The following MRPL38 variants were observed in gnomAD, a reference collection of about 807,000 sequenced individuals.
MRPL38 encodes mitochondrial ribosomal protein L38, also known as large ribosomal subunit protein mL38.
Under a neutral mutation model 52.1 loss-of-function variants are expected in MRPL38, and 51 were observed. The observed-to-expected ratio is 0.98, with a 90% CI of 0.78 to 1.24. The LOEUF (loss-of-function observed/expected upper bound fraction) is 1.24, where lower values mean the gene tolerates loss of function less well. Among genes scored for constraint, MRPL38 ranks in the 50% most tolerant of loss-of-function variants. The probability of loss-of-function intolerance (pLI) is 0.00; values close to 1 mark genes in which losing one functional copy is unlikely to be tolerated. For synonymous variants in MRPL38, 245 were observed against 212.7 expected, an observed-to-expected ratio of 1.15 and a Z score of -1.32; for missense variants, 527 against 518.6, an observed-to-expected ratio of 1.02 and a Z score of -0.16.
intron 7 of MRPL38, 97 bp from the exon 8 acceptor site, chr17:75,899,391 T>G: frequency 6.6e-7 from 1 of 1,524,648 alleles, no homozygotes; most frequent in Admixed American, 2.0e-5. Flanking sequence ...CCCCTGGGAG[T>G]CTGCTAGCAC....
In MRPL38 at chr17:75,901,875, C is replaced by G; in HGVS notation, c.428G>C (p.Cys143Ser). 1.9e-6 allele frequency: 3 copies of G among 1,612,276 alleles called. No homozygotes were observed. Among genetic ancestry groups the G allele is most frequent in the Non-Finnish European group, 2.5e-6 (3 of 1,179,694 alleles). Residue 143 changes from cysteine (C) to serine (S), a missense_variant, in exon 4 of 9, where the codon TGT (cysteine) becomes TCT (serine). Physicochemically the swap from Cys to Ser is moderately radical, Grantham distance 112. Coordinates refer to ENST00000309352, the MANE Select transcript of MRPL38 (RefSeq NM_032478.4). This position sits in a 1 kb window ranked among gnomAD's most constrained non-coding sequence, Gnocchi z 5.7. ...CAGACGCTGCTTGTGGTAGGGGCCA[C>G]AGGTCCTCTCCCACTCGGCCCGCAC... Reference protein sequence around the residue: ...DAVRAEWERTCGPYHKQRLAE... With the variant: ...DAVRAEWERTSGPYHKQRLAE...
At position 75,902,050 on chromosome 17, in the gene MRPL38, C is replaced by G. The variant is rs138500724; in HGVS notation, c.352G>C (p.Glu118Gln). 1,408 of 1,613,236 alleles carry G rather than the reference C, an allele frequency of 8.7e-4. 3 individuals carry two copies. Among genetic ancestry groups the G allele is most frequent in the Non-Finnish European group, 6.5e-4 (771 of 1,179,676 alleles). Residue 118 changes from glutamate (E) to glutamine (Q), a missense_variant, in exon 3 of 9, where the codon GAA becomes CAA. Physicochemically the swap from Glu to Gln is conservative, Grantham distance 29 (BLOSUM62 2). Transcript: ENST00000309352. ...CGGAGGCGGGCAGCCCGCTCCTCTTCCACATTGGCCCGAAGCTCCTGGATG... is the reference window on the plus strand; with the variant it reads ...CGGAGGCGGGCAGCCCGCTCCTCTTGCACATTGGCCCGAAGCTCCTGGATG... Reference protein sequence around the residue: ...QAIQELRANVEEERAARLRTA... With the variant: ...QAIQELRANVQEERAARLRTA...
chr17:75,899,453 C>T, intron 7 of MRPL38, 63 bp downstream of exon 7: 1 of 1,532,092 alleles, frequency 6.5e-7, no homozygotes, highest in Non-Finnish European at 8.8e-7. Flanking sequence ...GAGAACTGAG[C>T]AAGAGTGACC....
chr17:75,899,310 G>C lies in MRPL38; in HGVS notation c.870-16C>G, dbSNP rs768561387. The C allele has an allele frequency of 3.7e-6, 6 of 1,609,852 alleles. No homozygotes were observed. Among genetic ancestry groups the C allele is most frequent in the Non-Finnish European group, 4.2e-6 (5 of 1,178,094 alleles). On this transcript the variant is annotated splice_polypyrimidine_tract_variant and intron_variant, in intron 7 of 8. Transcript: ENST00000309352. ...CAGCTGATAGCTATGAGAAGATAGA[G>C]AGCGTATGAGAGTGTGGAGTGGGGC...
Position 75,901,119 on chromosome 17 carries a change from C to G in MRPL38, c.664+82G>C. The G allele has an allele frequency of 6.3e-7, 1 of 1,595,764 alleles. No homozygotes were observed. The highest frequency in any genetic ancestry group is 8.5e-7 in the Non-Finnish European group (1 of 1,172,224). On this transcript the variant is annotated intron_variant, in intron 5 of 8. Coordinates refer to ENST00000309352, the MANE Select transcript of MRPL38 (RefSeq NM_032478.4). The surrounding 1 kb of genome is among the most constrained non-coding windows in gnomAD (Gnocchi z 5.7). Reference sequence around the variant, plus strand: ...AGGAGCCAGCGCTGGAGATCTCCACCTGGCCCCTCCCCCAGCCCCCCAGGG... The same window carrying G: ...AGGAGCCAGCGCTGGAGATCTCCACGTGGCCCCTCCCCCAGCCCCCCAGGG...
Position 75,901,109 on chromosome 17 carries a change from A to G in MRPL38, c.665-82T>C. The stretch of plus-strand genomic sequence containing the variant: ...CTCCCTTGTTAGGAGCCAGCGCTGG[A>G]GATCTCCACCTGGCCCCTCCCCCAG... On this transcript the variant is annotated intron_variant, in intron 5 of 8. Transcript: ENST00000309352. The surrounding 1 kb of genome is among the most constrained non-coding windows in gnomAD (Gnocchi z 5.7). 1 of 1,594,024 alleles carries G rather than the reference A, an allele frequency of 6.3e-7. No homozygotes were observed. The highest frequency in any genetic ancestry group is 1.1e-5 in the South Asian group (1 of 88,324).
chr17:75,902,377 A>G (rs1207053951), intron 2 of MRPL38: 1 of 568,726 alleles, frequency 1.8e-6, no homozygotes, highest in African/African-American at 1.9e-5. Flanking sequence ...TGTTGGGATT[A>G]CAGTAGTGTG....
In MRPL38 at chr17:75,904,827, G is replaced by A. The variant is rs1396188297; in HGVS notation, c.49C>T (p.Arg17Trp). 5 of 1,266,878 alleles carry A rather than the reference G, an allele frequency of 3.9e-6. No individual in the cohort carries two copies. The highest frequency in any genetic ancestry group is 2.8e-5 in the Admixed American group (1 of 35,772). The allele number at this position is 1,266,878 out of a possible 1,614,324, so 78.5% of individuals were successfully genotyped here. ...RAALCECRRW[R>W]GFSTSAVLGR... The stretch of plus-strand genomic sequence containing the variant: ...CCCTCACCCGAGGTGCTGAAGCCCC[G>A]CCATCTCCGACACTCGCACAGCGCG... The change falls in exon 1 of 9, where the codon CGG (arginine) becomes TGG (tryptophan). Residue 17 changes from arginine (R) to tryptophan (W), a missense_variant. Transcript: ENST00000309352.
chr17:75,899,721 A>G lies in MRPL38; in HGVS notation c.711-47T>C, dbSNP rs2065395630. 2.0e-6 allele frequency: 3 copies of G among 1,479,826 alleles called. No individual in the cohort carries two copies. The Admixed American group carries it at 6.7e-5, about 33-fold the overall frequency. The allele number at this position is 1,479,826 out of a possible 1,614,324, so 91.7% of individuals were successfully genotyped here. ...TTAATTACCACTCCAGGGAGGCAGC[A>G]GGAGTGTCCCCTCAGCTCCATGCAC... On this transcript the variant is annotated intron_variant, in intron 6 of 8. Coordinates refer to ENST00000309352, the MANE Select transcript of MRPL38 (RefSeq NM_032478.4).
chr17:75,899,892 T>C, intron 6 of MRPL38: 1 of 368,436 alleles, frequency 2.7e-6, no homozygotes, highest in Non-Finnish European at 4.8e-6. Flanking sequence ...GGGACAGGGC[T>C]CCAGAGAGCA....
chr17:75,899,278 G>A lies in MRPL38; in HGVS notation c.886C>T (p.Arg296Trp), dbSNP rs373232362. Residue 296 changes from arginine (R) to tryptophan (W), a missense_variant, in exon 8 of 9, where the codon CGG becomes TGG. Physicochemically the swap from Arg to Trp is moderately radical, Grantham distance 101. Coordinates refer to ENST00000309352, the MANE Select transcript of MRPL38 (RefSeq NM_032478.4). ...TAGAAATCAAAAGTGCGGAAGGTCC[G>A]CTGGGCCAGCTGATAGCTATGAGAA... ...RPSPCYQLAQ[R>W]TFRTFDFYKK... is the part of the protein sequence containing the mutation. 4.3e-6 allele frequency: 7 copies of A among 1,612,308 alleles called. No homozygotes were observed. In the East Asian group the frequency reaches 1.1e-4, roughly 26 times the overall value.
chr17:75,899,158 C>T lies in MRPL38; in HGVS notation c.1006G>A (p.Asp336Asn). 1 of 1,601,230 alleles carries T rather than the reference C, an allele frequency of 6.2e-7. No individual in the cohort carries two copies. The highest frequency in any genetic ancestry group is 8.5e-7 in the Non-Finnish European group (1 of 1,174,608). ...AGTGCCCCAGCCCCATGGCCCTTAC[C>T]CAGAAGCTGGTGGAAGATGTAGGTG... Reference protein sequence around the residue: ...SVTYIFHQLLDMREPVFEFVR... With the variant: ...SVTYIFHQLLNMREPVFEFVR... The change falls in exon 8 of 9, where the codon GAC becomes AAC. Residue 336 changes from aspartate to asparagine, a missense_variant and splice_region_variant. Coordinates refer to ENST00000309352, the MANE Select transcript of MRPL38 (RefSeq NM_032478.4).
At position 75,904,862 on chromosome 17, in the gene MRPL38, C is replaced by G. The variant is rs1246224354; in HGVS notation, c.14G>C (p.Trp5Ser). 9.8e-6 allele frequency: 15 copies of G among 1,526,376 alleles called. No individual in the cohort carries two copies. The highest frequency in any genetic ancestry group is 3.4e-4 in the Middle Eastern group (2 of 5,904). The allele number at this position is 1,526,376 out of a possible 1,614,324, so 94.6% of individuals were successfully genotyped here. MAAP[W>S]WRAALCECRR... ...ACACTCGCACAGCGCGGCTCGCCAC[C>G]AGGGCGCCGCCATCTTCCCTCCGGC... is the stretch of plus-strand genomic sequence containing the variant. Residue 5 changes from tryptophan to serine, a missense_variant, in exon 1 of 9, where the codon TGG (tryptophan) becomes TCG (serine). Trp to Ser is a radical substitution (Grantham distance 177, BLOSUM62 -3). Coordinates refer to ENST00000309352, the MANE Select transcript of MRPL38 (RefSeq NM_032478.4).
At chr17:75,903,644 G>A (rs758896487) in intron 2 of MRPL38, among the ~76,000 whole-genome samples, 44 of 151,858 alleles carry the variant, frequency 2.9e-4, no homozygotes, top group Non-Finnish European at 4.0e-4. Context: ...CCACAAAACT[G>A]CCTCTATAAA....
chr17:75,901,551 AT>A lies in MRPL38; in HGVS notation c.591+160del. On this transcript the variant is annotated intron_variant, in intron 4 of 8. Transcript: ENST00000309352. The surrounding 1 kb of genome is among the most constrained non-coding windows in gnomAD (Gnocchi z 5.7). ...CTAAGACAGAGCCTCTTTTTCCTTC[AT>A]TTTGTTCTATTTTCTTTGAAATTGT... 1 of 700,734 alleles carries A rather than the reference AT, an allele frequency of 1.4e-6. No individual in the cohort carries two copies. Among genetic ancestry groups the A allele is most frequent in the East Asian group, 2.7e-5 (1 of 36,844 alleles). 43.4% of individuals were successfully genotyped at this position (700,734 alleles called of 1,614,324 possible).
Position 75,902,174 on chromosome 17 carries a change from G to A in MRPL38, c.248-20C>T. 6.5e-7 allele frequency: 1 copy of A among 1,550,108 alleles called. No individual in the cohort carries two copies. Among genetic ancestry groups the A allele is most frequent in the Non-Finnish European group, 8.7e-7 (1 of 1,146,158 alleles). On this transcript the variant is annotated intron_variant, in intron 2 of 8. Transcript: ENST00000309352. The stretch of plus-strand genomic sequence containing the variant: ...TGGGATCTGGAGTGGGAAGATGTGT[G>A]GGAAAAACAGGGTCATGACTCACTG...
intron 6 of MRPL38, chr17:75,900,756 A>C (rs2065400218): frequency 7.7e-7 from 1 of 1,291,982 alleles, no homozygotes; most frequent in Non-Finnish European, 9.8e-7. Context: ...AAAGATGAGG[A>C]GGCTTGTGGG....
Position 75,902,078 on chromosome 17 carries a change from C to T in MRPL38, c.324G>A (p.Gln108=). The T allele has an allele frequency of 6.2e-7, 1 of 1,610,962 alleles. No individual in the cohort carries two copies. Among genetic ancestry groups the T allele is most frequent in the Non-Finnish European group, 8.5e-7 (1 of 1,178,852 alleles). Residue 108 remains glutamine, a synonymous_variant, in exon 3 of 9, where the codon CAG becomes CAA. Transcript: ENST00000309352. ...SRTQQLLERK[Q]AIQELRANVE... ...CATTGGCCCGAAGCTCCTGGATGGCCTGTTTCCGTTCCAGTAGCTGTTGGG... is the reference window on the plus strand; with the variant it reads ...CATTGGCCCGAAGCTCCTGGATGGCTTGTTTCCGTTCCAGTAGCTGTTGGG...
intron 1 of MRPL38, 39 bp from the exon 2 acceptor site, chr17:75,904,758 G>T: frequency 8.0e-7 from 1 of 1,247,936 alleles, no homozygotes; most frequent in Non-Finnish European, 1.1e-6. Context: ...GCGCCCCACA[G>T]CTCGGGCGAC....
Sources: allele counts gnomAD v4.1 joint callset (sites outside exome capture counted in the v4.1 genomes callset), GRCh38; gene constraint gnomAD v4.1.1; non-coding constraint Gnocchi (gnomAD v3.1); transcripts MANE v1.5; gene names NCBI Gene and HGNC (gene_info 2026-07-23, HGNC 2026-07-21).